Variants in PLSCR4 observed in about 807,000 individuals in gnomAD.
PLSCR4 encodes the protein phospholipid scramblase 4, also known as Ca(2+)-dependent phospholipid scramblase 4.
Under a neutral mutation model 36.3 loss-of-function variants are expected in PLSCR4, and 25 were observed. The ratio of observed to expected loss-of-function variants is 0.69; its 90% CI spans 0.50 to 0.96. PLSCR4 has a LOEUF of 0.96. Ranked by LOEUF, PLSCR4 falls within the 40% of genes least tolerant of loss-of-function variation. PLSCR4 has a pLI of 0.00. For missense variants in PLSCR4, 408 were observed against 414.7 expected, an observed-to-expected ratio of 0.98 and a Z score of 0.14; for synonymous variants, 122 against 132.9, an observed-to-expected ratio of 0.92 and a Z score of 0.56.
At chr3:146,220,751 G>T (rs1357535665) in intron 3 of PLSCR4, 64 bp downstream of exon 3, 3 of 1,015,062 alleles carry the variant, frequency 3.0e-6, no homozygotes, top group Non-Finnish European at 4.5e-6. Flanking sequence ...CGCTTAAAAA[G>T]CAATTTTAAT....
chr3:146,237,568 T>C (rs530503095), intron 1 of PLSCR4, among the ~76,000 whole-genome samples: 7 of 151,864 alleles, frequency 4.6e-5, no homozygotes, highest in African/African-American at 1.7e-4. Context: ...AAATCAACAA[T>C]AGAAAAAAGT....
At chr3:146,245,434 G>A (rs1033973397) in intron 1 of PLSCR4, among the ~76,000 whole-genome samples, 43 of 152,056 alleles carry the variant, frequency 2.8e-4, no homozygotes, top group African/African-American at 1.0e-3. Flanking sequence ...TCCAAAATAT[G>A]CCATATAATA....
At chr3:146,231,895 A>G (rs2107823635) in intron 1 of PLSCR4, among the ~76,000 whole-genome samples, 1 of 152,150 alleles carries the variant, frequency 6.6e-6, no homozygotes, top group South Asian at 2.1e-4. Flanking sequence ...TTTAGTTGCA[A>G]TTGCTTTTGG....
At chr3:146,236,909 G>A (rs1297959548) in intron 1 of PLSCR4, among the ~76,000 whole-genome samples, 1 of 152,070 alleles carries the variant, frequency 6.6e-6, no homozygotes, top group Non-Finnish European at 1.5e-5. Flanking sequence ...CTAATAAGAA[G>A]AAAGAATGTA....
At chr3:146,238,428 A>G (rs1405159087) in intron 1 of PLSCR4, among the ~76,000 whole-genome samples, 3 of 152,046 alleles carry the variant, frequency 2.0e-5, no homozygotes, top group Non-Finnish European at 4.4e-5. Context: ...AATCCACAAT[A>G]TACCACAATA....
Position 146,206,544 on chromosome 3 carries a change from A to T in PLSCR4, c.336T>A (p.Gly112=), listed in dbSNP as rs768060029. ...GGAGTACCTGAACTAAGTATTCCAG[A>T]CCAGGAGGGCAGTTTGCCATAGGAG... The part of the protein sequence containing the change: ...GPTPMANCPP[G]LEYLVQLDNI... Residue 112 remains glycine, a synonymous_variant, in exon 4 of 9, where the codon GGT becomes GGA. Coordinates refer to ENST00000354952, the MANE Select transcript of PLSCR4 (RefSeq NM_020353.3). 1 of 1,610,956 alleles carries T rather than the reference A, an allele frequency of 6.2e-7. No individual in the cohort carries two copies. The highest frequency in any genetic ancestry group is 8.5e-7 in the Non-Finnish European group (1 of 1,177,276).
intron 2 of PLSCR4, among the ~76,000 whole-genome samples, chr3:146,221,717 C>T (rs1341707880): frequency 6.6e-6 from 1 of 152,192 alleles, no homozygotes; most frequent in Non-Finnish European, 1.5e-5. Flanking sequence ...TCTACCAAGG[C>T]AGGACCTTGC....
chr3:146,196,123 G>GA (rs1239412885), intron 7 of PLSCR4, among the ~76,000 whole-genome samples: 1 of 151,880 alleles, frequency 6.6e-6, no homozygotes, highest in East Asian at 1.9e-4. Context: ...TCTTTTTATT[G>GA]AAAAAAATGT....
At position 146,192,412 on chromosome 3, in the gene PLSCR4, ATTTG is replaced by A. The variant is rs1256823774; in HGVS notation, c.*1995_*1998del. On this transcript the variant is annotated 3_prime_UTR_variant, in exon 9 of 9. Transcript: ENST00000354952. Reference sequence around the variant, plus strand: ...AGCATGAACGCACAAATTCCAGAGAATTTGTTTTTTAATCAATCCGATCAATTTT... The same window carrying A: ...AGCATGAACGCACAAATTCCAGAGAATTTTTTAATCAATCCGATCAATTTT... The A allele has an allele frequency of 6.6e-6, 1 of 150,972 alleles. No individual in the cohort carries two copies. Among genetic ancestry groups the A allele is most frequent in the African/African-American group, 2.4e-5 (1 of 41,302 alleles). 9.4% of individuals were successfully genotyped at this position (150,972 alleles called of 1,614,324 possible). A position where few individuals can be genotyped will look rare whatever the true frequency, so the allele number is the denominator to read the frequency against.
intron 1 of PLSCR4, among the ~76,000 whole-genome samples, chr3:146,228,954 G>A (rs1487644718): frequency 6.6e-6 from 1 of 151,994 alleles, no homozygotes. Context: ...GTGAATATAA[G>A]TGCTAATAGG....
intron 3 of PLSCR4, among the ~76,000 whole-genome samples, chr3:146,220,370 A>G (rs1447680672): frequency 6.6e-6 from 1 of 152,166 alleles, no homozygotes; most frequent in East Asian, 1.9e-4. Flanking sequence ...CATGTGTCTC[A>G]TGCATGCCTC....
chr3:146,221,687 A>T (rs1454585080), intron 2 of PLSCR4, among the ~76,000 whole-genome samples: 2 of 152,184 alleles, frequency 1.3e-5, no homozygotes, highest in Non-Finnish European at 2.9e-5. Context: ...TAGAAAATAC[A>T]AGGCCTACTT....
chr3:146,195,486 G>C (rs1404124971), intron 7 of PLSCR4, among the ~76,000 whole-genome samples: 1 of 152,176 alleles, frequency 6.6e-6, no homozygotes. Context: ...AAAAGTCTCA[G>C]ACTGCTGCTC....
chr3:146,236,677 G>C (rs1376887582), intron 1 of PLSCR4, among the ~76,000 whole-genome samples: 1 of 152,116 alleles, frequency 6.6e-6, no homozygotes, highest in African/African-American at 2.4e-5. Context: ...ATGATTGTGA[G>C]GTCTCCCCAG....
intron 1 of PLSCR4, among the ~76,000 whole-genome samples, chr3:146,233,151 C>T (rs1160912428): frequency 1.3e-5 from 2 of 152,052 alleles, no homozygotes; most frequent in African/African-American, 2.4e-5. Flanking sequence ...CAAATTTTGT[C>T]ATTTTTGCAT....
chr3:146,225,813 A>C (rs948307691), intron 1 of PLSCR4, among the ~76,000 whole-genome samples: 21 of 151,990 alleles, frequency 1.4e-4, no homozygotes, highest in Non-Finnish European at 2.8e-4. Context: ...CTCTCCCTCC[A>C]CACCTCCCTG....
chr3:146,222,075 G>T lies in PLSCR4; in HGVS notation c.-4C>A. The T allele has an allele frequency of 8.4e-7, 1 of 1,196,912 alleles. No individual in the cohort carries two copies. The highest frequency in any genetic ancestry group is 1.6e-5 in the African/African-American group (1 of 62,716). The allele number at this position is 1,196,912 out of a possible 1,614,324, so 74.1% of individuals were successfully genotyped here. ...TTCACAAAAACTTACCTGACATTTT[G>T]AAGAATTCCAATTAATCCTGAAAAA... On this transcript the variant is annotated 5_prime_UTR_variant, in exon 2 of 9. Transcript: ENST00000354952.
intron 3 of PLSCR4, among the ~76,000 whole-genome samples, chr3:146,219,086 C>T (rs2035022358): frequency 6.6e-6 from 1 of 152,170 alleles, no homozygotes; most frequent in African/African-American, 2.4e-5. Flanking sequence ...ATAGTCCAGC[C>T]ACCAGGTGGC....
At chr3:146,231,770 T>C (rs1279710450) in intron 1 of PLSCR4, among the ~76,000 whole-genome samples, 2 of 152,228 alleles carry the variant, frequency 1.3e-5, no homozygotes, top group African/African-American at 4.8e-5. Context: ...CTTTGTCAGA[T>C]GTGCAGTTTG....
Sources: allele counts gnomAD v4.1 joint callset (sites outside exome capture counted in the v4.1 genomes callset), GRCh38; gene constraint gnomAD v4.1.1; transcripts MANE v1.5; gene names NCBI Gene and HGNC (gene_info 2026-07-23, HGNC 2026-07-21).